The following NLRC5 variants were observed in gnomAD, a reference collection of about 807,000 sequenced individuals.
NLRC5 encodes NLR family CARD domain containing 5, also known as protein NLRC5.
In NLRC5, 114 loss-of-function variants were observed where a neutral mutation model predicts 206.9. The ratio of observed to expected loss-of-function variants is 0.55; its 90% CI spans 0.47 to 0.64. The LOEUF (loss-of-function observed/expected upper bound fraction) is 0.64. NLRC5 is among the 30% of genes least tolerant of loss of function. The probability of loss-of-function intolerance (pLI) is 0.00; values close to 1 mark genes in which losing one functional copy is unlikely to be tolerated. For synonymous variants in NLRC5, 952 were observed against 962.8 expected, an observed-to-expected ratio of 0.99 and a Z score of 0.21; for missense variants, 2,008 against 2,305.5, an observed-to-expected ratio of 0.87 and a Z score of 2.64.
At chr16:57,003,677 A>G (rs1433076386) in intron 1 of NLRC5, among the ~76,000 whole-genome samples, 1 of 151,818 alleles carries the variant, frequency 6.6e-6, no homozygotes, top group Non-Finnish European at 1.5e-5. Flanking sequence ...GACCTCTTCT[A>G]TCATCACGCT....
intron 19 of NLRC5, 38 bp downstream of exon 19, chr16:57,042,103 C>A (rs749104164): frequency 1.5e-6 from 2 of 1,357,116 alleles, no homozygotes; most frequent in African/African-American, 1.5e-5. Context: ...GAGGCTGGGG[C>A]AGGGGGGGAG....
At chr16:57,041,181 C>A (rs1200110361) in intron 17 of NLRC5, 12 of 408,934 alleles carry the variant, frequency 2.9e-5, no homozygotes, top group Admixed American at 2.9e-4. Flanking sequence ...TCTGTTTTAT[C>A]AGTTTATTTA....
In NLRC5 at chr16:57,079,140, A is replaced by G. The variant is rs766720355; in HGVS notation, c.5165+7A>G. 1 of 1,614,072 alleles carries G rather than the reference A, an allele frequency of 6.2e-7. No individual in the cohort carries two copies. The highest frequency in any genetic ancestry group is 8.5e-7 in the Non-Finnish European group (1 of 1,180,012). ...CCCATTTGGAAGAGATCAGGTAAGT[A>G]GGGGCTGCCCAGCCCAGGCACGGGG... On this transcript the variant is annotated splice_region_variant and intron_variant, in intron 44 of 48. Transcript: ENST00000688547.
chr16:57,052,889 CTT>C (rs1157756475), intron 24 of NLRC5: 1 of 152,312 alleles, frequency 6.6e-6, no homozygotes, highest in African/African-American at 2.4e-5. Flanking sequence ...AGGAACTTCT[CTT>C]TGCCTAAATC....
chr16:57,077,308 C>T lies in NLRC5; in HGVS notation c.4848C>T (p.Asn1616=), dbSNP rs750443580. The part of the protein sequence containing the change: ...TSLEELDLSH[N]QIGDAGVQHL... ...TTTCTCCCCCAAGCTTGAGCCACAA[C>T]CAGATTGGAGACGCTGGTGTCCAGC... Residue 1616 remains asparagine (N), a synonymous_variant, in exon 41 of 49, where the codon AAC becomes AAT. Transcript: ENST00000688547. The T allele has an allele frequency of 1.9e-6, 3 of 1,613,970 alleles. No individual in the cohort carries two copies. Among genetic ancestry groups the T allele is most frequent in the Admixed American group, 1.7e-5 (1 of 60,006 alleles).
Position 57,079,571 on chromosome 16 carries a change from C to G in NLRC5, c.5263C>G (p.Gln1755Glu), listed in dbSNP as rs1161920518. The stretch of plus-strand genomic sequence containing the variant: ...CCTGGTTTCCTGTAAGATTGACAAC[C>G]AGACTGCCAAGCTCCTCACCTCCAG... ...IDLVSCKIDN[Q>E]TAKLLTSSFT... The change falls in exon 46 of 49, where the codon CAG becomes GAG. Residue 1755 changes from glutamine to glutamate, a missense_variant. Physicochemically the swap from Gln to Glu is conservative, Grantham distance 29. Transcript: ENST00000688547. The G allele has an allele frequency of 2.5e-6, 4 of 1,614,022 alleles. No homozygotes were observed. The African/African-American group carries it at 4.0e-5, about 16-fold the overall frequency.
intron 38 of NLRC5, among the ~76,000 whole-genome samples, chr16:57,073,540 C>G (rs1597448668): frequency 1.3e-5 from 2 of 152,198 alleles, no homozygotes; most frequent in South Asian, 4.1e-4. Context: ...AGGAAAAACT[C>G]TTCTGTTCTG....
In NLRC5 at chr16:57,061,602, T is replaced by G. The variant is rs1438153267; in HGVS notation, c.4071-16T>G. 6.2e-7 allele frequency: 1 copy of G among 1,609,876 alleles called. No homozygotes were observed. Among genetic ancestry groups the G allele is most frequent in the Non-Finnish European group, 8.5e-7 (1 of 1,179,338 alleles). The stretch of plus-strand genomic sequence containing the variant: ...ACCCTGCCAGAGCCACCTCAGTGAC[T>G]GACCTCTGTCTCCAGGCTGACCCAG... On this transcript the variant is annotated splice_polypyrimidine_tract_variant and intron_variant, in intron 31 of 48. Transcript: ENST00000688547.
At position 57,080,902 on chromosome 16, in the gene NLRC5, G is replaced by A. The variant is rs1028116922; in HGVS notation, c.5322-196G>A. On this transcript the variant is annotated intron_variant, in intron 46 of 48. Transcript: ENST00000688547. ...AACAACGTCATGATTCAAACTTGAC[G>A]GGGAGGGGAGCAGGGAGGAAGGTAA... 1.3e-4 allele frequency: 71 copies of A among 546,390 alleles called. No individual in the cohort carries two copies. The East Asian group carries it at 1.7e-3, about 13-fold the overall frequency. 33.8% of individuals were successfully genotyped at this position (546,390 alleles called of 1,614,324 possible).
At position 57,028,333 on chromosome 16, in the gene NLRC5, A is replaced by G; in HGVS notation, c.2191A>G (p.Ile731Val). 6.2e-7 allele frequency: 1 copy of G among 1,614,188 alleles called. No individual in the cohort carries two copies. Among genetic ancestry groups the G allele is most frequent in the Non-Finnish European group, 8.5e-7 (1 of 1,180,026 alleles). ...LAGSKITARG[I>V]SHLVKALPLC... ...AGGAAGTAAAATCACTGCCCGAGGC[A>G]TCAGCCACCTGGTGAAAGCTTTGCC... is the stretch of plus-strand genomic sequence containing the variant. Residue 731 changes from isoleucine (I) to valine (V), a missense_variant, in exon 8 of 49, where the codon ATC (isoleucine) becomes GTC (valine). By Grantham distance (29) the Ile-to-Val change is conservative. Coordinates refer to ENST00000688547, the MANE Select transcript of NLRC5 (RefSeq NM_001384950.1).
At chr16:57,052,925 C>T (rs1241305873) in intron 24 of NLRC5, 1 of 152,332 alleles carries the variant, frequency 6.6e-6, no homozygotes, top group Non-Finnish European at 1.5e-5. Context: ...CCTGACTCCT[C>T]GTCCGCCTTT....
At chr16:57,063,362 C>T (rs142611813) in intron 32 of NLRC5, among the ~76,000 whole-genome samples, 1,675 of 151,802 alleles carry the variant, frequency 0.011, 19 homozygotes, top group Middle Eastern at 0.021. Context: ...ATGATCTGCC[C>T]GTTTCGGCCT....
chr16:57,012,441 C>T (rs1440118932), intron 1 of NLRC5, among the ~76,000 whole-genome samples: 1 of 152,200 alleles, frequency 6.6e-6, no homozygotes, highest in African/African-American at 2.4e-5. Context: ...CCCCAACCCC[C>T]AGGCTACAGA....
rs147715367 is a variant in NLRC5, at chr16:57,007,447, G to T, written c.-127-9627G>T. Among the ~76,000 whole-genome samples the T allele has an allele frequency of 4.2e-4, 64 of 152,272 alleles. No homozygotes were observed. The East Asian group carries it at 0.012, about 28-fold the overall frequency. On this transcript the variant is annotated intron_variant, in intron 1 of 48. Coordinates refer to ENST00000688547, the MANE Select transcript of NLRC5 (RefSeq NM_001384950.1). ...TATATTTAAAAGTCATTGGGGCCAGGGGTGGTGGCTCATGCCTGTAACCCC... is the reference window on the plus strand; with the variant it reads ...TATATTTAAAAGTCATTGGGGCCAGTGGTGGTGGCTCATGCCTGTAACCCC...
chr16:57,019,910 G>A (rs1225505808), intron 2 of NLRC5, among the ~76,000 whole-genome samples: 1 of 152,160 alleles, frequency 6.6e-6, no homozygotes, highest in East Asian at 1.9e-4. Context: ...AATGGTTCAT[G>A]GAAATAAGAA....
In NLRC5 at chr16:56,989,585, G is replaced by A. The variant is rs1187565340; in HGVS notation, c.-160G>A. On this transcript the variant is annotated 5_prime_UTR_variant, in exon 1 of 49. Coordinates refer to ENST00000688547, the MANE Select transcript of NLRC5 (RefSeq NM_001384950.1). ...TTCGTGCAGAGCGCGGAGGAGCCGC[G>A]AGCGCTGAGGGTGAGTGCCGGGAGC... 2 of 152,360 alleles carry A rather than the reference G, an allele frequency of 1.3e-5. No individual in the cohort carries two copies. The highest frequency in any genetic ancestry group is 4.9e-5 in the African/African-American group (2 of 41,224). The allele number at this position is 152,360 out of a possible 1,614,324, so 9.4% of individuals were successfully genotyped here.
chr16:57,041,163 C>T (rs373870529), intron 17 of NLRC5, among the ~76,000 whole-genome samples: 2 of 152,172 alleles, frequency 1.3e-5, no homozygotes, highest in African/African-American at 2.4e-5. Context: ...CCTCTCTCAT[C>T]GTGTATTTCT....
intron 10 of NLRC5, among the ~76,000 whole-genome samples, chr16:57,030,614 AGATGGATGGATGGATGGATGGATGGATG>A (rs66917392): frequency 7.1e-6 from 1 of 141,246 alleles, no homozygotes; most frequent in South Asian, 2.4e-4. Flanking sequence ...GTGTGTGAAA[AGATGGATGGATGGATGGATGGATGGATG>A]GATGGATGGA....
At chr16:57,066,709 C>T in intron 34 of NLRC5, 95 bp downstream of exon 34, 1 of 1,148,476 alleles carries the variant, frequency 8.7e-7, no homozygotes, top group Non-Finnish European at 1.3e-6. Flanking sequence ...GCCCAGAGAC[C>T]TTAGGGGTTC....
Sources: gnomAD v4.1 joint callset for allele counts (sites outside exome capture counted in the v4.1 genomes callset) on GRCh38, gnomAD v4.1.1 for gene constraint, MANE v1.5 for transcripts, NCBI Gene and HGNC (gene_info 2026-07-23, HGNC 2026-07-21) for gene names.